GLIS3: variants seen among roughly 807,000 people sequenced by gnomAD.
GLIS3 encodes zinc finger protein GLIS3.
In GLIS3, 53 loss-of-function variants were observed where a neutral mutation model predicts 78.6. The ratio of observed to expected loss-of-function variants is 0.67; its 90% confidence interval spans 0.54 to 0.85. The LOEUF (loss-of-function observed/expected upper bound fraction) is 0.85, where lower values mean the gene tolerates loss of function less well. Ranked by LOEUF, GLIS3 falls within the 40% of genes least tolerant of loss-of-function variation. The pLI is 0.00. For missense variants in GLIS3, 1,703 were observed against 1,231.1 expected, an observed-to-expected ratio of 1.38 and a Z score of -5.74; for synonymous variants, 684 against 509.9, an observed-to-expected ratio of 1.34 and a Z score of -4.60.
chr9:4,131,362 A>C lies in GLIS3; in HGVS notation c.389-5421T>G, dbSNP rs1319525306. On this transcript the variant is annotated intron_variant, in intron 2 of 10. Transcript: ENST00000381971. ...GAGATTTGGGAGGGGTCAGGGTGAT[A>C]TAATATGCTTTGGATCTGTGTCCCC... 2.6e-5 allele frequency among the ~76,000 whole-genome samples: 4 copies of C among 152,204 alleles called. No homozygotes were observed. In the South Asian group the frequency reaches 6.2e-4, roughly 24 times the overall value.
intron 9 of GLIS3, among the ~76,000 whole-genome samples, chr9:3,831,448 A>G (rs1818039588): frequency 6.6e-6 from 1 of 152,244 alleles, no homozygotes; most frequent in South Asian, 2.1e-4. Flanking sequence ...TCACATTGGC[A>G]AAGATTCCTA....
intron 1 of GLIS3, among the ~76,000 whole-genome samples, 162 bp from the exon 2 acceptor site, chr9:4,286,685 G>A (rs1413533604): frequency 2.6e-5 from 4 of 152,172 alleles, no homozygotes; most frequent in South Asian, 2.1e-4. Context: ...CTCATTGGCA[G>A]GCACTCTCCC....
At chr9:4,290,160 G>C (rs1212671013) in intron 1 of GLIS3, among the ~76,000 whole-genome samples, 1 of 152,066 alleles carries the variant, frequency 6.6e-6, no homozygotes, top group African/African-American at 2.4e-5. Context: ...CCCATCTAGA[G>C]TCATAACTCA....
intron 4 of GLIS3, among the ~76,000 whole-genome samples, chr9:3,948,949 T>C (rs922157486): frequency 3.9e-5 from 6 of 152,222 alleles, no homozygotes; most frequent in Admixed American, 3.9e-4. Context: ...TCTAATATTA[T>C]GGTTCTCATT....
chr9:4,344,255 C>A (rs1443257986), intron 2 of GLIS3, among the ~76,000 whole-genome samples: 9 of 152,110 alleles, frequency 5.9e-5, no homozygotes. Context: ...CCCACCCCCA[C>A]TACCATTTCA....
intron 4 of GLIS3, among the ~76,000 whole-genome samples, chr9:4,102,429 C>T (rs1268079451): frequency 2.0e-5 from 3 of 152,158 alleles, no homozygotes; most frequent in Admixed American, 2.0e-4. Flanking sequence ...CTTATAAATT[C>T]TGGTTCCTGT....
chr9:4,244,043 T>C (rs1410131904), intron 2 of GLIS3, among the ~76,000 whole-genome samples: 1 of 152,250 alleles, frequency 6.6e-6, no homozygotes, highest in Non-Finnish European at 1.5e-5. Flanking sequence ...CATACGTGCA[T>C]ACAAACACTT....
At chr9:4,122,920 G>T (rs745939317) in intron 3 of GLIS3, among the ~76,000 whole-genome samples, 1 of 152,162 alleles carries the variant, frequency 6.6e-6, no homozygotes, top group Non-Finnish European at 1.5e-5. Context: ...CTTCAAGACG[G>T]TAAGGTATAG....
the GLIS3 span, among the ~76,000 whole-genome samples, chr9:4,463,823 G>A: frequency 2.0e-5 from 3 of 152,080 alleles, no homozygotes; most frequent in Non-Finnish European, 2.9e-5. Flanking sequence ...TCATGGTGAC[G>A]TTCAGCACTA....
At chr9:4,137,986 G>T (rs1184718568) in intron 2 of GLIS3, among the ~76,000 whole-genome samples, 1 of 152,284 alleles carries the variant, frequency 6.6e-6, no homozygotes, top group Non-Finnish European at 1.5e-5. Context: ...ACCAGCAGAG[G>T]CACAACTTAG....
At chr9:4,354,405 C>G in the GLIS3 span, among the ~76,000 whole-genome samples, 1 of 152,176 alleles carries the variant, frequency 6.6e-6, no homozygotes. Context: ...GCCAGAGTCA[C>G]CTCCTTGAGT....
In GLIS3 at chr9:4,053,681, G is replaced by A. The variant is rs544999192; in HGVS notation, c.1710+64087C>T. On this transcript the variant is annotated intron_variant, in intron 4 of 10. Coordinates refer to ENST00000381971, the MANE Select transcript of GLIS3 (RefSeq NM_001042413.2). ...CAAGACAGAGGAAGAGCCAGACTCA[G>A]TGCCTACTTGTTTTCTTTCTTCATA... Among the ~76,000 whole-genome samples the A allele has an allele frequency of 9.3e-5, 9 of 96,306 alleles. No individual in the cohort carries two copies. The Admixed American group carries it at 1.0e-3, about 11-fold the overall frequency. 63.2% of individuals were successfully genotyped at this position (96,306 alleles called of 152,430 possible). A position where few individuals can be genotyped will look rare whatever the true frequency, so the allele number is the denominator to read the frequency against.
At chr9:4,225,158 A>G (rs1219485757) in intron 2 of GLIS3, among the ~76,000 whole-genome samples, 1 of 151,862 alleles carries the variant, frequency 6.6e-6, no homozygotes, top group Non-Finnish European at 1.5e-5. Flanking sequence ...TATATATACA[A>G]AGTTGGTAAG....
At chr9:4,053,035 C>A (rs1362594815) in intron 4 of GLIS3, among the ~76,000 whole-genome samples, 6 of 152,142 alleles carry the variant, frequency 3.9e-5, no homozygotes, top group Admixed American at 1.3e-4. Flanking sequence ...GCAATCTCTG[C>A]CTCCTAAGTT....
At chr9:3,857,580 C>T (rs1166186578) in intron 8 of GLIS3, among the ~76,000 whole-genome samples, 1 of 152,152 alleles carries the variant, frequency 6.6e-6, no homozygotes, top group South Asian at 2.1e-4. Flanking sequence ...AGGAGTAGGA[C>T]TCGCTAACCT....
chr9:4,087,226 CA>C (rs1564028230), intron 4 of GLIS3, among the ~76,000 whole-genome samples: 1 of 152,140 alleles, frequency 6.6e-6, no homozygotes, highest in East Asian at 1.9e-4. Context: ...AGAGGTAGAA[CA>C]GCTATAAAAA....
chr9:4,315,773 G>A (rs1019871650), intron 2 of GLIS3, among the ~76,000 whole-genome samples: 1 of 152,124 alleles, frequency 6.6e-6, no homozygotes. Context: ...GAAGGAGAAA[G>A]AGTGACTTGG....
intron 4 of GLIS3, among the ~76,000 whole-genome samples, chr9:3,955,399 C>T (rs1471553823): frequency 6.6e-6 from 1 of 152,132 alleles, no homozygotes; most frequent in East Asian, 1.9e-4. Flanking sequence ...ATAAAAAATG[C>T]CTGAACTTGA....
At chr9:4,405,391 G>GAAA in the GLIS3 span, among the ~76,000 whole-genome samples, 5 of 145,324 alleles carry the variant, frequency 3.4e-5, no homozygotes, top group Non-Finnish European at 7.8e-5. Flanking sequence ...AAAGAAAAAA[G>GAAA]AAAGAAAGAA....
Sources: gnomAD v4.1 joint callset for allele counts (sites outside exome capture counted in the v4.1 genomes callset) on GRCh38, gnomAD v4.1.1 for gene constraint, MANE v1.5 for transcripts, NCBI Gene and HGNC (gene_info 2026-07-23, HGNC 2026-07-21) for gene names.